Variants in ETV4 observed in about 807,000 individuals in gnomAD.
ETV4 encodes ETS variant transcription factor 4.
In ETV4, 42 loss-of-function variants were observed where a neutral mutation model predicts 65.9. The observed-to-expected ratio is 0.64, with a 90% CI of 0.50 to 0.82. The LOEUF is 0.82. Ranked by LOEUF, ETV4 falls within the 40% of genes least tolerant of loss-of-function variation. ETV4 has a pLI of 0.00. For missense variants in ETV4, 583 were observed against 630.3 expected, an observed-to-expected ratio of 0.92 and a Z score of 0.80; for synonymous variants, 238 against 260.0, an observed-to-expected ratio of 0.92 and a Z score of 0.81.
At chr17:43,545,196 TG>T in intron 3 of ETV4, 77 bp downstream of exon 3, 1 of 454,466 alleles carries the variant, frequency 2.2e-6, no homozygotes, top group Non-Finnish European at 3.6e-6. Context: ...GAATCGGCCG[TG>T]TGTGTGTGTG....
chr17:43,544,794 AGT>A (rs1296947096), intron 4 of ETV4, 179 bp downstream of exon 4: 2 of 596,238 alleles, frequency 3.4e-6, no homozygotes, highest in Non-Finnish European at 6.1e-6. Flanking sequence ...TATCAATATA[AGT>A]GTCCACGCTG....
intron 8 of ETV4, among the ~76,000 whole-genome samples, chr17:43,530,696 G>GT (rs1398742798): frequency 6.6e-6 from 1 of 151,970 alleles, no homozygotes; most frequent in Non-Finnish European, 1.5e-5. Flanking sequence ...ACTGGGCCTT[G>GT]TTTTTTCAGG....
chr17:43,539,669 TG>T (rs1367445561), intron 4 of ETV4, among the ~76,000 whole-genome samples: 1 of 152,192 alleles, frequency 6.6e-6, no homozygotes, highest in East Asian at 1.9e-4. Flanking sequence ...AAGTCAGCAC[TG>T]TGGGCCTGAG....
rs1971725991 is a variant in ETV4, at chr17:43,544,980, GC to G, written c.196del (p.Ala66LeufsTer21). The G allele has an allele frequency of 1.9e-6, 3 of 1,613,920 alleles. No homozygotes were observed. The South Asian group carries it at 3.3e-5, about 18-fold the overall frequency. ...AAGGTCACAAAACTACTCACCTTCA[GC>G]GAGCCACGTCTCCTGGAAGTGACTT... ...DLSHFQETWL[A>X]EAQVPDSDEQ... On this transcript the variant is annotated frameshift_variant, in exon 4 of 13. Coordinates refer to ENST00000319349, the MANE Select transcript of ETV4 (RefSeq NM_001079675.5). LOFTEE classifies it high-confidence loss of function.
chr17:43,528,389 A>C lies in ETV4; in HGVS notation c.*130T>G. 1 of 640,168 alleles carries C rather than the reference A, an allele frequency of 1.6e-6. No homozygotes were observed. The highest frequency in any genetic ancestry group is 2.8e-5 in the East Asian group (1 of 35,656). 39.7% of individuals were successfully genotyped at this position (640,168 alleles called of 1,614,324 possible). ...GCAGCTCAGAGTCTGGGCTAGGGCAACTGGTAGGACAGTGGGGATCTGCCC... is the reference window on the plus strand; with the variant it reads ...GCAGCTCAGAGTCTGGGCTAGGGCACCTGGTAGGACAGTGGGGATCTGCCC... On this transcript the variant is annotated 3_prime_UTR_variant, in exon 13 of 13. Coordinates refer to ENST00000319349, the MANE Select transcript of ETV4 (RefSeq NM_001079675.5).
In ETV4 at chr17:43,536,426, G is replaced by C. The variant is rs748834394; in HGVS notation, c.256C>G (p.Leu86Val). Residue 86 changes from leucine to valine, a missense_variant and splice_region_variant, in exon 5 of 13, where the codon CTA becomes GTA. Coordinates refer to ENST00000319349, the MANE Select transcript of ETV4 (RefSeq NM_001079675.5). ...QFVPDFHSEN[L>V]AFHSPTTRIK... ...CCTCTCCCCAGGGACCTCTACTCAC[G>C]GTTTTCTGAATGGAAATCAGGAACA... 2 of 1,613,884 alleles carry C rather than the reference G, an allele frequency of 1.2e-6. No homozygotes were observed. Among genetic ancestry groups the C allele is most frequent in the Non-Finnish European group, 1.7e-6 (2 of 1,179,900 alleles).
chr17:43,529,244 C>A lies in ETV4; in HGVS notation c.1129-8G>T, dbSNP rs1301901707. 9.3e-6 allele frequency: 15 copies of A among 1,613,778 alleles called. No homozygotes were observed. Among genetic ancestry groups the A allele is most frequent in the Non-Finnish European group, 1.2e-5 (14 of 1,179,862 alleles). On this transcript the variant is annotated splice_polypyrimidine_tract_variant and splice_region_variant and intron_variant, in intron 11 of 12. Transcript: ENST00000319349. ...GCCCCAGAGCCTGGCGACCTGGGAACAAAACAGTTTTGGGGTAGAGATGCT... is the reference window on the plus strand; with the variant it reads ...GCCCCAGAGCCTGGCGACCTGGGAAAAAAACAGTTTTGGGGTAGAGATGCT...
Position 43,545,621 on chromosome 17 carries a change from G to A in ETV4, c.-4C>T, listed in dbSNP as rs1169439709. On this transcript the variant is annotated 5_prime_UTR_variant, in exon 2 of 13. Transcript: ENST00000319349. ...CGGCTTTCATCCTCCGCTCCATCCG[G>A]CCGCTCCCTCCGGCCGCACGGCCGG... is the stretch of plus-strand genomic sequence containing the variant. 5 of 1,550,634 alleles carry A rather than the reference G, an allele frequency of 3.2e-6. No individual in the cohort carries two copies. The highest frequency in any genetic ancestry group is 8.7e-7 in the Non-Finnish European group (1 of 1,146,844).
At chr17:43,536,080 C>T (rs1971229403) in intron 5 of ETV4, among the ~76,000 whole-genome samples, 1 of 152,158 alleles carries the variant, frequency 6.6e-6, no homozygotes, top group South Asian at 2.1e-4. Flanking sequence ...CACTGCACTC[C>T]AGCCTGGGTG....
chr17:43,545,066 G>A, intron 3 of ETV4, 44 bp from the exon 4 acceptor site: 5 of 1,595,434 alleles, frequency 3.1e-6, no homozygotes, highest in Non-Finnish European at 4.3e-6. Context: ...GGAGGGGACG[G>A]TAAGAGAGAA....
intron 4 of ETV4, among the ~76,000 whole-genome samples, chr17:43,540,990 T>C (rs980963860): frequency 6.6e-6 from 1 of 152,152 alleles, no homozygotes; most frequent in African/African-American, 2.4e-5. Flanking sequence ...TCACTGGTGC[T>C]GGAGAGCAGA....
At chr17:43,531,824 G>C (rs1970951803) in intron 8 of ETV4, among the ~76,000 whole-genome samples, 1 of 152,172 alleles carries the variant, frequency 6.6e-6, no homozygotes. Context: ...GTATTTTTAA[G>C]CCTCTGTGGG....
rs758030472 is a variant in ETV4, at chr17:43,545,379, G to T, written c.61-12C>A. ...TTTCCGGGCGATTTCTGCGAGAAGC[G>T]GGGAGAATGCCCGCGAGTCACCCTG... On this transcript the variant is annotated splice_polypyrimidine_tract_variant and intron_variant, in intron 2 of 12. Coordinates refer to ENST00000319349, the MANE Select transcript of ETV4 (RefSeq NM_001079675.5). 2.2e-5 allele frequency: 34 copies of T among 1,570,596 alleles called. No homozygotes were observed. The highest frequency in any genetic ancestry group is 8.6e-7 in the Non-Finnish European group (1 of 1,156,100).
At chr17:43,529,047 C>T in intron 12 of ETV4, 88 bp downstream of exon 12, 1 of 1,252,676 alleles carries the variant, frequency 8.0e-7, no homozygotes, top group Non-Finnish European at 1.2e-6. Flanking sequence ...TACAAAGTTG[C>T]TGAGAACTGC....
rs1481709712 is a variant in ETV4 at position 43,532,556 on chromosome 17, TG to T, written c.811+117del. ...CTTTTGAAATTATGAAGAAAAAAAG[TG>T]GGTGGGTGGGTTGGATGTATGAAAT... On this transcript the variant is annotated intron_variant, in intron 8 of 12. Coordinates refer to ENST00000319349, the MANE Select transcript of ETV4 (RefSeq NM_001079675.5). The T allele has an allele frequency of 8.0e-6, 7 of 877,166 alleles. No individual in the cohort carries two copies. In the Admixed American group the frequency reaches 1.3e-4, roughly 16 times the overall value. 54.3% of individuals were successfully genotyped at this position (877,166 alleles called of 1,614,324 possible).
Position 43,530,186 on chromosome 17 carries a change from G to T in ETV4, c.812-5C>A, listed in dbSNP as rs1160049290. ...TTGATGCGCACCCGGTGACATCTGT[G>T]GGGGAAGAAGGGGTGATGTGAGAAG... is the stretch of plus-strand genomic sequence containing the variant. On this transcript the variant is annotated splice_region_variant and splice_polypyrimidine_tract_variant and intron_variant, in intron 8 of 12. Transcript: ENST00000319349. 1.9e-6 allele frequency: 3 copies of T among 1,553,536 alleles called. No individual in the cohort carries two copies. The highest frequency in any genetic ancestry group is 3.9e-5 in the Admixed American group (2 of 51,058).
intron 4 of ETV4, among the ~76,000 whole-genome samples, chr17:43,539,935 GT>G (rs1387977654): frequency 3.3e-5 from 5 of 152,350 alleles, no homozygotes; most frequent in African/African-American, 1.2e-4. Flanking sequence ...GGGAGAGGGA[GT>G]TTAACAATCA....
At chr17:43,536,527 C>G (rs767249201) in intron 4 of ETV4, 48 bp from the exon 5 acceptor site, 1 of 1,566,022 alleles carries the variant, frequency 6.4e-7, no homozygotes, top group Non-Finnish European at 8.8e-7. Context: ...CCTGGTTGTC[C>G]CCTGGGAGGC....
In ETV4 at chr17:43,529,899, G is replaced by T; in HGVS notation, c.940C>A (p.Pro314Thr). ...CTTCTCTGACCTTCAAATTTCTCAG[G>T]GACAACGCAGACATCATCTGGGAAT... ...RPFPDDVCVV[P>T]EKFEGDIKQE... is the part of the protein sequence containing the mutation. The change falls in exon 10 of 13, where the codon CCT becomes ACT. Residue 314 changes from proline (P) to threonine (T), a missense_variant. Coordinates refer to ENST00000319349, the MANE Select transcript of ETV4 (RefSeq NM_001079675.5). 1.9e-6 allele frequency: 3 copies of T among 1,614,142 alleles called. No homozygotes were observed. Among genetic ancestry groups the T allele is most frequent in the Admixed American group, 1.7e-5 (1 of 60,016 alleles).
Sources: gnomAD v4.1 joint callset for allele counts (sites outside exome capture counted in the v4.1 genomes callset) on GRCh38, gnomAD v4.1.1 for gene constraint, MANE v1.5 for transcripts, NCBI Gene and HGNC (gene_info 2026-07-23, HGNC 2026-07-21) for gene names.